The following CFAP184 variants were observed in gnomAD, a reference collection of about 807,000 sequenced individuals.
CFAP184 encodes cilia- and flagella-associated protein 184.
chr4:7,042,647 C>T, the CFAP184 span: 1 of 1,491,390 alleles, frequency 6.7e-7, no homozygotes. Context: ...GCCGGCTCTT[C>T]GGGCTCGGGC....
the CFAP184 span, chr4:7,041,252 A>T: frequency 1.0e-5 from 16 of 1,545,130 alleles, no homozygotes; most frequent in Non-Finnish European, 1.4e-5. Context: ...TGTTTTGCAG[A>T]CTCTTCTCAT....
At chr4:7,041,558 T>G in the CFAP184 span, 9 of 1,614,250 alleles carry the variant, frequency 5.6e-6, no homozygotes, top group Non-Finnish European at 7.6e-6. Context: ...AGCTGTGTCT[T>G]TTTGCACGCG....
chr4:7,042,524 T>C, the CFAP184 span: 4 of 1,602,596 alleles, frequency 2.5e-6, 1 homozygote, highest in Admixed American at 6.7e-5. Flanking sequence ...GCCTGGAACC[T>C]GACTTCCTTC....
At chr4:7,041,953 C>T in the CFAP184 span, 6 of 1,612,522 alleles carry the variant, frequency 3.7e-6, no homozygotes, top group East Asian at 6.7e-5. Context: ...TGCCTGGAAG[C>T]GTCGCCACTC....
At chr4:7,041,447 T>G in the CFAP184 span, 4 of 1,614,242 alleles carry the variant, frequency 2.5e-6, no homozygotes, top group East Asian at 8.9e-5. Flanking sequence ...AGGCCGCACT[T>G]CTGATTCAGT....
At chr4:7,041,297 C>T in the CFAP184 span, 4 of 1,606,094 alleles carry the variant, frequency 2.5e-6, no homozygotes, top group East Asian at 2.2e-5. Flanking sequence ...GCTTTGGCCT[C>T]CCTGATCTTC....
the CFAP184 span, chr4:7,041,186 CT>C: frequency 6.7e-7 from 1 of 1,498,054 alleles, no homozygotes; most frequent in Admixed American, 2.3e-5. Context: ...TGACACAGGC[CT>C]TTTTAATAGC....
At chr4:7,041,750 C>T in the CFAP184 span, 1 of 1,613,852 alleles carries the variant, frequency 6.2e-7, no homozygotes, top group Non-Finnish European at 8.5e-7. Flanking sequence ...GTCAGGTCCT[C>T]CTGGGTCCTC....
chr4:7,040,935 T>A, the CFAP184 span: 2 of 219,144 alleles, frequency 9.1e-6, no homozygotes, highest in Admixed American at 5.3e-5. Context: ...TAAACCCTCC[T>A]ACATATGAAA....
chr4:7,042,803 C>A, the CFAP184 span: 1 of 1,559,750 alleles, frequency 6.4e-7, no homozygotes, highest in Non-Finnish European at 8.6e-7. Flanking sequence ...TCCTCCGGCT[C>A]CGACTCCAGC....
At chr4:7,042,183 C>A in the CFAP184 span, 4 of 1,600,510 alleles carry the variant, frequency 2.5e-6, no homozygotes, top group Non-Finnish European at 3.4e-6. Context: ...CCTCGAAGAT[C>A]TTGTGCTGCA....
At chr4:7,041,279 G>A in the CFAP184 span, 18 of 1,592,512 alleles carry the variant, frequency 1.1e-5, no homozygotes, top group Non-Finnish European at 1.5e-5. Flanking sequence ...GGTCAAGAAG[G>A]GAGAAAGGCT....
chr4:7,042,505 G>A, the CFAP184 span: 2 of 1,608,926 alleles, frequency 1.2e-6, no homozygotes, highest in South Asian at 1.1e-5. Context: ...CCTGGTCAGC[G>A]GCAGAGAGGC....
At chr4:7,042,572 C>A in the CFAP184 span, 21 of 1,560,162 alleles carry the variant, frequency 1.3e-5, no homozygotes, top group Non-Finnish European at 1.6e-5. Flanking sequence ...GCCCCCGCCT[C>A]CGCCTCTAGT....
At chr4:7,041,454 C>G in the CFAP184 span, 1 of 1,614,216 alleles carries the variant, frequency 6.2e-7, no homozygotes, top group African/African-American at 1.3e-5. Flanking sequence ...ACTTCTGATT[C>G]AGTCTGATGT....
the CFAP184 span, chr4:7,041,098 T>C: frequency 1.0e-6 from 1 of 1,002,804 alleles, no homozygotes; most frequent in Non-Finnish European, 1.3e-6. Flanking sequence ...ATAAAACTCC[T>C]AACCCAGGTT....
At chr4:7,042,304 C>T in the CFAP184 span, 2 of 1,592,696 alleles carry the variant, frequency 1.3e-6, no homozygotes, top group South Asian at 2.2e-5. Flanking sequence ...CTCCTCGGAC[C>T]ACTCGAGGTC....
the CFAP184 span, chr4:7,041,723 TAAG>T: frequency 1.2e-6 from 2 of 1,614,072 alleles, no homozygotes; most frequent in Non-Finnish European, 1.7e-6. Flanking sequence ...TCAAAGTCAA[TAAG>T]AAGCAGACCC....
chr4:7,042,947 G>C, the CFAP184 span: 17 of 1,419,150 alleles, frequency 1.2e-5, no homozygotes, highest in East Asian at 3.5e-4. Context: ...ATCTCCTCCC[G>C]GCTCGGCCAG....
Sources: allele counts gnomAD v4.1 joint callset, GRCh38; gene constraint gnomAD v4.1.1; transcripts MANE v1.5; gene names NCBI Gene and HGNC (gene_info 2026-07-23, HGNC 2026-07-21).